RAI1: variants seen among roughly 807,000 people sequenced by gnomAD.
The protein encoded by RAI1 is retinoic acid induced 1, also known as retinoic acid-induced protein 1.
RAI1 carries 9 observed loss-of-function variants against 123.8 expected under a neutral mutation model. The observed-to-expected ratio is 0.07, with a 90% CI of 0.04 to 0.13. The LOEUF (loss-of-function observed/expected upper bound fraction) is 0.13. RAI1 is among the 10% of genes least tolerant of loss of function. The probability of loss-of-function intolerance (pLI) is 1.00; values close to 1 mark genes in which losing one functional copy is unlikely to be tolerated. For missense variants in RAI1, 2,256 were observed against 2,545.8 expected, an observed-to-expected ratio of 0.89 and a Z score of 2.45; for synonymous variants, 1,231 against 1,127.3, an observed-to-expected ratio of 1.09 and a Z score of -1.84.
chr17:17,774,220 C>A (rs1336915803), intron 2 of RAI1, among the ~76,000 whole-genome samples: 2 of 152,212 alleles, frequency 1.3e-5, no homozygotes, highest in African/African-American at 4.8e-5. Context: ...TTTGCTCAAC[C>A]CTGCAAGGTG....
chr17:17,688,025 CAAAAA>C (rs61049701), intron 1 of RAI1, among the ~76,000 whole-genome samples: 7 of 90,072 alleles, frequency 7.8e-5, no homozygotes, highest in Non-Finnish European at 1.1e-4. Context: ...GACTCTGTCT[CAAAAA>C]AAAAAAAAAA....
rs1338810706 is a variant in RAI1 at position 17,797,921 on chromosome 17, T to C, written c.4973T>C (p.Leu1658Pro). ...GCCACACTCCCTGGAGGCTCCATCC[T>C]GCAGCCGCGGCCCTCCTTGCCCCTC... ...SLATLPGGSILQPRPSLPLSS... is the reference protein window; with the variant it reads ...SLATLPGGSIPQPRPSLPLSS... The change falls in exon 3 of 6, where the codon CTG (leucine) becomes CCG (proline). Residue 1658 changes from leucine (L) to proline (P), a missense_variant. By Grantham distance (98) the Leu-to-Pro change is moderately conservative. This residue lies in a region of RAI1 where 410 missense variants were observed against 374.6 expected (regional missense o/e 1.09). Transcript: ENST00000353383. 3 of 1,613,904 alleles carry C rather than the reference T, an allele frequency of 1.9e-6. No homozygotes were observed. The highest frequency in any genetic ancestry group is 1.3e-5 in the African/African-American group (1 of 74,898).
At chr17:17,740,162 G>A (rs1295243478) in intron 2 of RAI1, among the ~76,000 whole-genome samples, 3 of 152,204 alleles carry the variant, frequency 2.0e-5, no homozygotes, top group Admixed American at 6.5e-5. Context: ...GCCCAGCTAG[G>A]GCCTTGGGAG....
rs891221388 is a variant in RAI1 at position 17,711,101 on chromosome 17, G to A, written c.-148-12927G>A. Among the ~76,000 whole-genome samples, 4 of 152,208 alleles carry A rather than the reference G, an allele frequency of 2.6e-5. No individual in the cohort carries two copies. The South Asian group carries it at 6.2e-4, about 24-fold the overall frequency. The stretch of plus-strand genomic sequence containing the variant: ...ATGGGAAGGCAGGGCCGCAGTACCC[G>A]GAAAACCTCTCCAGGGTAGGGAGGC... On this transcript the variant is annotated intron_variant, in intron 1 of 5. Coordinates refer to ENST00000353383, the MANE Select transcript of RAI1 (RefSeq NM_030665.4).
intron 2 of RAI1, among the ~76,000 whole-genome samples, chr17:17,726,863 AT>A (rs1243934473): frequency 6.6e-6 from 1 of 152,160 alleles, no homozygotes; most frequent in Non-Finnish European, 1.5e-5. Context: ...GTCATTCTCT[AT>A]ATTCAGATGT....
chr17:17,727,672 G>T (rs1161689560), intron 2 of RAI1, among the ~76,000 whole-genome samples: 1 of 152,190 alleles, frequency 6.6e-6, no homozygotes, highest in East Asian at 1.9e-4. Flanking sequence ...TAGGTCTCTG[G>T]GGACCCTAGT....
chr17:17,752,767 C>A (rs1277817160), intron 2 of RAI1, among the ~76,000 whole-genome samples: 1 of 152,256 alleles, frequency 6.6e-6, no homozygotes, highest in Non-Finnish European at 1.5e-5. Flanking sequence ...TAAAGTCCTT[C>A]TTTCCGGCCG....
chr17:17,775,250 T>C (rs59531660), intron 2 of RAI1, among the ~76,000 whole-genome samples: 5,781 of 148,284 alleles, frequency 0.039, 380 homozygotes, highest in African/African-American at 0.13. Context: ...ATTGCCTGAG[T>C]TGGAGTGCGG....
chr17:17,709,209 T>C (rs1345325726), intron 1 of RAI1, among the ~76,000 whole-genome samples: 2 of 152,140 alleles, frequency 1.3e-5, no homozygotes, highest in Non-Finnish European at 2.9e-5. Flanking sequence ...GTAGCATCTG[T>C]GTCCACAGGA....
At chr17:17,785,593 C>T (rs138328306) in intron 2 of RAI1, among the ~76,000 whole-genome samples, 13 of 152,310 alleles carry the variant, frequency 8.5e-5, no homozygotes, top group African/African-American at 2.6e-4. Context: ...GCGCCTCGCC[C>T]GGTGTCTGGT....
chr17:17,763,606 G>A (rs1234240467), intron 2 of RAI1, among the ~76,000 whole-genome samples: 1 of 152,214 alleles, frequency 6.6e-6, no homozygotes, highest in African/African-American at 2.4e-5. Context: ...CTGGGCACAG[G>A]TACGGGGGCC....
intron 1 of RAI1, chr17:17,684,368 A>G (rs533323010): frequency 2.4e-4 from 37 of 151,470 alleles, no homozygotes; most frequent in African/African-American, 9.0e-4. Flanking sequence ...TTTTTTTTTT[A>G]ATTACTGATT....
intron 1 of RAI1, among the ~76,000 whole-genome samples, chr17:17,699,165 C>T (rs1211866387): frequency 6.6e-6 from 1 of 152,236 alleles, no homozygotes; most frequent in Non-Finnish European, 1.5e-5. Flanking sequence ...TGGCTTCCTT[C>T]TGGCTCCCGT....
At chr17:17,772,953 C>T (rs2031209323) in intron 2 of RAI1, among the ~76,000 whole-genome samples, 1 of 150,966 alleles carries the variant, frequency 6.6e-6, no homozygotes, top group South Asian at 2.1e-4. Context: ...AGAAGGTAGG[C>T]TGGTGAGTGG....
At chr17:17,738,761 G>T (rs1916522008) in intron 2 of RAI1, among the ~76,000 whole-genome samples, 1 of 152,222 alleles carries the variant, frequency 6.6e-6, no homozygotes, top group African/African-American at 2.4e-5. Context: ...GAGGGCCAGA[G>T]AGTCTACTTG....
At chr17:17,727,000 A>G (rs757457187) in intron 2 of RAI1, among the ~76,000 whole-genome samples, 17 of 152,214 alleles carry the variant, frequency 1.1e-4, no homozygotes, top group Non-Finnish European at 2.5e-4. Context: ...TTTACTTAAT[A>G]TTCCCCTTTT....
chr17:17,721,030 A>C (rs1476939495), intron 1 of RAI1, among the ~76,000 whole-genome samples: 1 of 151,518 alleles, frequency 6.6e-6, no homozygotes, highest in Non-Finnish European at 1.5e-5. Context: ...CAGAATCTGG[A>C]ATCTGTGAAG....
chr17:17,795,587 G>A lies in RAI1; in HGVS notation c.2639G>A (p.Ser880Asn). Residue 880 changes from serine to asparagine, a missense_variant, in exon 3 of 6, where the codon AGC becomes AAC. Coordinates refer to ENST00000353383, the MANE Select transcript of RAI1 (RefSeq NM_030665.4). The surrounding 1 kb of genome is among the most constrained non-coding windows in gnomAD (Gnocchi z 5.9). ...EYSSLCELLG[S>N]PEQRPGMQDP... ...TCCTCCCTATGTGAGCTCCTGGGCA[G>A]CCCCGAGCAGAGGCCTGGCATGCAG... The A allele has an allele frequency of 6.2e-7, 1 of 1,612,546 alleles. No individual in the cohort carries two copies. The highest frequency in any genetic ancestry group is 8.5e-7 in the Non-Finnish European group (1 of 1,179,548).
At chr17:17,707,768 A>G (rs543978095) in intron 1 of RAI1, among the ~76,000 whole-genome samples, 2 of 152,172 alleles carry the variant, frequency 1.3e-5, no homozygotes, top group East Asian at 1.9e-4. Context: ...AATTTTTTGT[A>G]TTTTTGGTAG....
Sources: allele counts gnomAD v4.1 joint callset (sites outside exome capture counted in the v4.1 genomes callset), GRCh38; gene constraint gnomAD v4.1.1; regional missense constraint gnomAD v4.1.1; non-coding constraint Gnocchi (gnomAD v3.1); transcripts MANE v1.5; gene names NCBI Gene and HGNC (gene_info 2026-07-23, HGNC 2026-07-21).